GLI3: variants seen among roughly 807,000 people sequenced by gnomAD.
GLI3 encodes transcription activator GLI3.
A neutral mutation model predicts 100.8 loss-of-function variants in GLI3; 20 were observed. That is an observed-to-expected ratio of 0.20 (90% confidence interval 0.14 to 0.29). The LOEUF (loss-of-function observed/expected upper bound fraction) is 0.29. GLI3 is among the 10% of genes least tolerant of loss of function. The probability of loss-of-function intolerance (pLI) is 1.00; values close to 1 mark genes in which losing one functional copy is unlikely to be tolerated. For missense variants in GLI3, 2,040 were observed against 2,128.5 expected, an observed-to-expected ratio of 0.96 and a Z score of 0.82; for synonymous variants, 938 against 860.5, an observed-to-expected ratio of 1.09 and a Z score of -1.58.
At chr7:42,124,096 C>T (rs901712224) in intron 3 of GLI3, among the ~76,000 whole-genome samples, 4 of 152,130 alleles carry the variant, frequency 2.6e-5, no homozygotes, top group South Asian at 2.1e-4. Context: ...TATTTACTCA[C>T]TCATGGGTGG....
chr7:42,221,135 C>T (rs568839815), intron 2 of GLI3, among the ~76,000 whole-genome samples: 58 of 152,316 alleles, frequency 3.8e-4, no homozygotes, highest in African/African-American at 1.3e-3. Flanking sequence ...AGTTTTATCT[C>T]GTGGCTTTCT....
At chr7:42,054,781 C>G (rs919072733) in intron 4 of GLI3, among the ~76,000 whole-genome samples, 13 of 151,812 alleles carry the variant, frequency 8.6e-5, no homozygotes, top group Non-Finnish European at 1.6e-4. Context: ...CCTAGGAGTT[C>G]AAGATCAATC....
chr7:42,025,246 G>A lies in GLI3; in HGVS notation c.1356+18C>T. 6.5e-7 allele frequency: 1 copy of A among 1,543,996 alleles called. No individual in the cohort carries two copies. Among genetic ancestry groups the A allele is most frequent in the Non-Finnish European group, 9.0e-7 (1 of 1,116,402 alleles). On this transcript the variant is annotated intron_variant, in intron 9 of 14. Transcript: ENST00000395925. ...TTGGGAGGAGTGGGCGCTGGCCTGT[G>A]CGGCCTCGGTGTCCTACCTGCTGCC...
chr7:42,048,754 C>T (rs1784297327), intron 4 of GLI3, 58 bp from the exon 5 acceptor site: 5 of 1,097,004 alleles, frequency 4.6e-6, no homozygotes, highest in Non-Finnish European at 6.9e-6. Context: ...TCTCCACAGG[C>T]AGAGGCTGTC....
chr7:42,014,736 G>T lies in GLI3; in HGVS notation c.1497+8732C>A, dbSNP rs75944280. Among the ~76,000 whole-genome samples the T allele has an allele frequency of 2.2e-3, 334 of 152,234 alleles. 1 individual carries two copies. The highest frequency in any genetic ancestry group is 7.7e-3 in the African/African-American group (318 of 41,542). On this transcript the variant is annotated intron_variant, in intron 10 of 14. Transcript: ENST00000395925. ...CCTGTATGCTCCCCTTACTCAAAGG[G>T]ATAGCCCCCAACCCCAGCACCCTAG...
At chr7:42,036,076 T>C (rs1000756678) in intron 7 of GLI3, among the ~76,000 whole-genome samples, 21 of 152,218 alleles carry the variant, frequency 1.4e-4, no homozygotes, top group African/African-American at 4.8e-4. Context: ...TGGGCTTTTG[T>C]GAATAAATAT....
intron 4 of GLI3, among the ~76,000 whole-genome samples, chr7:42,054,118 G>A (rs776640276): frequency 6.6e-6 from 1 of 152,138 alleles, no homozygotes; most frequent in Non-Finnish European, 1.5e-5. Flanking sequence ...CTGTTTGTTG[G>A]TGTAGGTAAC....
At chr7:42,140,128 C>T (rs778918600) in intron 3 of GLI3, among the ~76,000 whole-genome samples, 1 of 152,222 alleles carries the variant, frequency 6.6e-6, no homozygotes, top group Non-Finnish European at 1.5e-5. Context: ...ACTCTTTCCT[C>T]ACCTCTTTCA....
rs762457648 is a variant in GLI3, at chr7:42,045,408, T to C, written c.802A>G (p.Met268Val). The change falls in exon 6 of 15, where the codon ATG (methionine) becomes GTG (valine). Residue 268 changes from methionine (M) to valine (V), a missense_variant. This residue lies in a region of GLI3 where 603 missense variants were observed against 690.9 expected (regional missense o/e 0.87). Transcript: ENST00000395925. ...CTATCCATAGCATGAAGATATTCCA[T>C]GTGGATGGCCCCCGTGCCGGCGGTG... Reference protein sequence around the residue: ...AATAGTGAIHMEYLHAMDSTR... With the variant: ...AATAGTGAIHVEYLHAMDSTR... 6 of 1,613,994 alleles carry C rather than the reference T, an allele frequency of 3.7e-6. No individual in the cohort carries two copies. Among genetic ancestry groups the C allele is most frequent in the Middle Eastern group, 1.7e-4 (1 of 6,060 alleles).
chr7:42,000,973 G>A (rs1420759473), intron 10 of GLI3, among the ~76,000 whole-genome samples: 1 of 152,142 alleles, frequency 6.6e-6, no homozygotes, highest in Non-Finnish European at 1.5e-5. Context: ...AGGGCCGGGA[G>A]CGGTGGCTCA....
chr7:42,162,450 A>G (rs1477640699), intron 2 of GLI3, among the ~76,000 whole-genome samples: 2 of 152,184 alleles, frequency 1.3e-5, no homozygotes, highest in African/African-American at 4.8e-5. Flanking sequence ...ACACAAATGG[A>G]AATGTACTTT....
chr7:42,067,451 GA>G (rs1300691668), intron 4 of GLI3, among the ~76,000 whole-genome samples: 13 of 152,146 alleles, frequency 8.5e-5, no homozygotes, highest in African/African-American at 3.1e-4. Flanking sequence ...TTTAACTCTA[GA>G]GCTTCCCTCT....
At chr7:42,255,305 A>T (rs930163815) in intron 1 of GLI3, among the ~76,000 whole-genome samples, 6 of 152,126 alleles carry the variant, frequency 3.9e-5, no homozygotes, top group African/African-American at 1.4e-4. Context: ...CAGCCTTATC[A>T]TTGTTTTAAA....
intron 1 of GLI3, among the ~76,000 whole-genome samples, chr7:42,252,767 C>T (rs1789047467): frequency 6.6e-6 from 1 of 152,142 alleles, no homozygotes; most frequent in Non-Finnish European, 1.5e-5. Flanking sequence ...CTTGCTTCCA[C>T]AAACATAACT....
At chr7:42,111,264 G>A (rs1014934037) in intron 3 of GLI3, among the ~76,000 whole-genome samples, 2 of 152,156 alleles carry the variant, frequency 1.3e-5, no homozygotes, top group Non-Finnish European at 2.9e-5. Context: ...TGCTGGGATC[G>A]GATATGAGTA....
intron 3 of GLI3, among the ~76,000 whole-genome samples, chr7:42,117,873 G>A (rs1421271021): frequency 6.6e-6 from 1 of 152,160 alleles, no homozygotes; most frequent in Non-Finnish European, 1.5e-5. Flanking sequence ...TGCAGATTCC[G>A]TGGTCAGGGA....
intron 3 of GLI3, among the ~76,000 whole-genome samples, chr7:42,099,900 C>A (rs1785422296): frequency 6.6e-6 from 1 of 152,388 alleles, no homozygotes; most frequent in Non-Finnish European, 1.5e-5. Flanking sequence ...TCTGTGACAG[C>A]ATGCACATGC....
rs80274161 is a variant in GLI3, at chr7:42,080,810, C to T, written c.368-3953G>A. On this transcript the variant is annotated intron_variant, in intron 3 of 14. Coordinates refer to ENST00000395925, the MANE Select transcript of GLI3 (RefSeq NM_000168.6). ...GGTTTGTCGTTTCTATGTGGCTCAG[C>T]GGCATATTCCATCATCGGCCCAAAA... 8.2e-3 allele frequency among the ~76,000 whole-genome samples: 1,252 copies of T among 152,218 alleles called. 23 individuals carry two copies. The highest frequency in any genetic ancestry group is 0.029 in the African/African-American group (1,186 of 41,510).
Position 42,076,715 on chromosome 7 carries a change from G to A in GLI3, c.473+37C>T, listed in dbSNP as rs76181936. On this transcript the variant is annotated intron_variant, in intron 4 of 14. Coordinates refer to ENST00000395925, the MANE Select transcript of GLI3 (RefSeq NM_000168.6). Reference sequence around the variant, plus strand: ...CTGAGATGGTAAAAGCCAGCATCTCGTTCCATTTCATTAATGAAGAAAGTG... The same window carrying A: ...CTGAGATGGTAAAAGCCAGCATCTCATTCCATTTCATTAATGAAGAAAGTG... The A allele has an allele frequency of 8.3e-4, 1,070 of 1,296,304 alleles. 2 individuals are homozygous for A. The highest frequency in any genetic ancestry group is 1.1e-3 in the Non-Finnish European group (988 of 889,456). The allele number at this position is 1,296,304 out of a possible 1,614,324, so 80.3% of individuals were successfully genotyped here. A position where few individuals can be genotyped will look rare whatever the true frequency, so the allele number is the denominator to read the frequency against.
Sources: allele counts gnomAD v4.1 joint callset (sites outside exome capture counted in the v4.1 genomes callset), GRCh38; gene constraint gnomAD v4.1.1; regional missense constraint gnomAD v4.1.1; transcripts MANE v1.5; gene names NCBI Gene and HGNC (gene_info 2026-07-23, HGNC 2026-07-21).